The following TNS1 variants were observed in gnomAD, a reference collection of about 807,000 sequenced individuals.
TNS1 encodes tensin-1.
A neutral mutation model predicts 168.6 loss-of-function variants in TNS1; 62 were observed. The ratio of observed to expected loss-of-function variants is 0.37; its 90% CI spans 0.30 to 0.45. The LOEUF (loss-of-function observed/expected upper bound fraction) is 0.45. Ranked by LOEUF, TNS1 falls within the 20% of genes least tolerant of loss-of-function variation. The probability of loss-of-function intolerance (pLI) is 1.00; values close to 1 mark genes in which losing one functional copy is unlikely to be tolerated. For missense variants in TNS1, 2,240 were observed against 2,339.4 expected, an observed-to-expected ratio of 0.96 and a Z score of 0.88; for synonymous variants, 934 against 933.2, an observed-to-expected ratio of 1.00 and a Z score of -0.02.
upstream of TNS1, among the ~76,000 whole-genome samples, chr2:218,014,678 C>T (rs540953778): frequency 2.0e-5 from 3 of 152,322 alleles, no homozygotes; most frequent in South Asian, 6.2e-4. Flanking sequence ...CTTCCTAGCA[C>T]TTAGAACTGT....
chr2:217,836,258 G>T lies in TNS1; in HGVS notation c.3008-47C>A, dbSNP rs372574415. 19 of 1,554,706 alleles carry T rather than the reference G, an allele frequency of 1.2e-5. No individual in the cohort carries two copies. The African/African-American group carries it at 2.6e-4, about 21-fold the overall frequency. ...GAGGACAATGAGCATTTTTGTGTAA[G>T]AAATGATCAATCGGCCTAATCCCAT... On this transcript the variant is annotated intron_variant, in intron 19 of 32. Coordinates refer to ENST00000682258, the MANE Select transcript of TNS1 (RefSeq NM_001387777.1).
At chr2:218,007,622 T>C (rs1332014070), upstream of TNS1, among the ~76,000 whole-genome samples, 2 of 150,146 alleles carry the variant, frequency 1.3e-5, no homozygotes, top group African/African-American at 2.5e-5. Flanking sequence ...GAGCCAAGGA[T>C]AGTGCTACTA....
rs1032730124 is a variant in TNS1, at chr2:217,850,640, C to T, written c.1430-1553G>A. ...ACACACACACGCACGCACGCACCTCCCCTTACTCTAATCCAGGCTCTCCGT... is the reference window on the plus strand; with the variant it reads ...ACACACACACGCACGCACGCACCTCTCCTTACTCTAATCCAGGCTCTCCGT... On this transcript the variant is annotated intron_variant, in intron 18 of 32. Coordinates refer to ENST00000682258, the MANE Select transcript of TNS1 (RefSeq NM_001387777.1). 3 of 972,390 alleles carry T rather than the reference C, an allele frequency of 3.1e-6. No homozygotes were observed. The African/African-American group carries it at 5.3e-5, about 17-fold the overall frequency. 60.2% of individuals were successfully genotyped at this position (972,390 alleles called of 1,614,324 possible).
chr2:217,915,765 C>T (rs923666763), intron 4 of TNS1, among the ~76,000 whole-genome samples: 1 of 152,206 alleles, frequency 6.6e-6, no homozygotes, highest in African/African-American at 2.4e-5. Flanking sequence ...CCTGCCACTG[C>T]GAGCTGTGTG....
chr2:217,928,072 G>A (rs1393780735), intron 3 of TNS1, among the ~76,000 whole-genome samples: 10 of 152,214 alleles, frequency 6.6e-5, no homozygotes, highest in Non-Finnish European at 1.5e-4. Context: ...AAGCTGGGAG[G>A]CCCAGGGGAG....
intron 12 of TNS1, among the ~76,000 whole-genome samples, chr2:217,889,700 G>A (rs1421809627): frequency 6.6e-6 from 1 of 152,130 alleles, no homozygotes; most frequent in African/African-American, 2.4e-5. Context: ...TTCCTTATAT[G>A]TGTAACATCC....
intron 6 of TNS1, among the ~76,000 whole-genome samples, chr2:217,904,656 A>AG (rs1374855379): frequency 2.0e-5 from 3 of 152,216 alleles, no homozygotes; most frequent in African/African-American, 7.2e-5. Flanking sequence ...TTCTAAAAAA[A>AG]GCCAAAGAGC....
chr2:217,931,025 G>A (rs1300092133), intron 3 of TNS1, among the ~76,000 whole-genome samples: 3 of 152,130 alleles, frequency 2.0e-5, no homozygotes, highest in African/African-American at 4.8e-5. Flanking sequence ...GCGAGACCAC[G>A]TGTTCACTCA....
At chr2:217,963,824 G>A (rs1463587827) in intron 3 of TNS1, among the ~76,000 whole-genome samples, 2 of 148,040 alleles carry the variant, frequency 1.4e-5, no homozygotes, top group Non-Finnish European at 3.0e-5. Flanking sequence ...TGGGAAGATT[G>A]CCTGAGCTCA....
chr2:218,027,215 C>G (rs774512195), intron 1 of TNS1, among the ~76,000 whole-genome samples: 7 of 152,114 alleles, frequency 4.6e-5, no homozygotes, highest in African/African-American at 9.7e-5. Flanking sequence ...CCACCCTGAG[C>G]CAGGGATAGT....
At chr2:217,861,152 T>G (rs1948742719) in intron 18 of TNS1, among the ~76,000 whole-genome samples, 1 of 152,210 alleles carries the variant, frequency 6.6e-6, no homozygotes, top group African/African-American at 2.4e-5. Flanking sequence ...AGCTCATCTT[T>G]AGGGGGCCGT....
At chr2:217,940,343 G>T (rs532722431) in intron 3 of TNS1, among the ~76,000 whole-genome samples, 7 of 152,166 alleles carry the variant, frequency 4.6e-5, no homozygotes, top group Non-Finnish European at 7.3e-5. Context: ...CAAACATATC[G>T]CTCAACTGGG....
intron 19 of TNS1, 27 bp from the exon 20 acceptor site, chr2:217,836,238 C>A (rs781243499): frequency 7.6e-6 from 12 of 1,581,706 alleles, no homozygotes; most frequent in Non-Finnish European, 9.5e-6. Flanking sequence ...GTGTAGAGGA[C>A]AATGAGCATT....
rs1158596804 is a variant in TNS1 at position 217,847,528 on chromosome 2, C to T, written c.2989G>A (p.Val997Met). ...CTCTTACCTGCTACCCTGTGGGCCA[C>T]CAGCCCTTCTAAATTCAATGGCTCC... ...EEEPLNLEGL[V>M]AHRVAGVQAR... Residue 997 changes from valine (V) to methionine (M), a missense_variant, in exon 19 of 33, where the codon GTG (valine) becomes ATG (methionine). Physicochemically the swap from Val to Met is conservative, Grantham distance 21. Coordinates refer to ENST00000682258, the MANE Select transcript of TNS1 (RefSeq NM_001387777.1). The T allele has an allele frequency of 1.4e-6, 2 of 1,468,634 alleles. No individual in the cohort carries two copies. Among genetic ancestry groups the T allele is most frequent in the South Asian group, 1.6e-5 (1 of 63,190 alleles). 91.0% of individuals were successfully genotyped at this position (1,468,634 alleles called of 1,614,324 possible).
At chr2:217,930,140 G>T (rs1160711741) in intron 3 of TNS1, among the ~76,000 whole-genome samples, 1 of 152,172 alleles carries the variant, frequency 6.6e-6, no homozygotes, top group Admixed American at 6.5e-5. Flanking sequence ...TTACGTTCAG[G>T]TCCGCTTTCA....
rs567928673 is a variant in TNS1 at position 217,963,734 on chromosome 2, GTACATT to G, written c.186+15025_186+15030del. ...CTCATCACGTGAGCCATGAAAATAT[GTACATT>G]TACCGAAAAAAAAAAAAAAAAGGCC... On this transcript the variant is annotated intron_variant, in intron 3 of 32. Transcript: ENST00000682258. Among the ~76,000 whole-genome samples, 43 of 139,156 alleles carry G rather than the reference GTACATT, an allele frequency of 3.1e-4. 1 individual carries two copies. The South Asian group carries it at 0.01, about 33-fold the overall frequency. The allele number at this position is 139,156 out of a possible 152,430, so 91.3% of individuals were successfully genotyped here. A position where few individuals can be genotyped will look rare whatever the true frequency, so the allele number is the denominator to read the frequency against.
At chr2:217,849,321 C>T (rs1947152781) in intron 18 of TNS1, among the ~76,000 whole-genome samples, 1 of 152,210 alleles carries the variant, frequency 6.6e-6, no homozygotes, top group Non-Finnish European at 1.5e-5. Context: ...TGGAGCCCAA[C>T]ACTGAGCAGG....
chr2:217,890,849 G>C, intron 12 of TNS1, 113 bp downstream of exon 12: 3 of 1,188,476 alleles, frequency 2.5e-6, no homozygotes, highest in Non-Finnish European at 3.6e-6. Flanking sequence ...ACTTGCGCCT[G>C]GTACACCCCC....
Position 217,804,246 on chromosome 2 carries a change from T to C in TNS1, c.*213A>G. ...CTACCCAGGGGAATCCAAGTTCTTC[T>C]CCTCCATCTTTCTCTCTCTCTCTCT... On this transcript the variant is annotated 3_prime_UTR_variant, in exon 33 of 33. Coordinates refer to ENST00000682258, the MANE Select transcript of TNS1 (RefSeq NM_001387777.1). 1.7e-6 allele frequency: 1 copy of C among 571,610 alleles called. No homozygotes were observed. The highest frequency in any genetic ancestry group is 3.0e-6 in the Non-Finnish European group (1 of 335,278). The allele number at this position is 571,610 out of a possible 1,614,324, so 35.4% of individuals were successfully genotyped here.
Sources: gnomAD v4.1 joint callset for allele counts (sites outside exome capture counted in the v4.1 genomes callset) on GRCh38, gnomAD v4.1.1 for gene constraint, MANE v1.5 for transcripts, NCBI Gene and HGNC (gene_info 2026-07-23, HGNC 2026-07-21) for gene names.